The following CNTNAP4 variants were observed in gnomAD, a reference collection of about 807,000 sequenced individuals.
The protein encoded by CNTNAP4 is contactin associated protein family member 4.
Under a neutral mutation model 148.4 loss-of-function variants are expected in CNTNAP4, and 98 were observed. The ratio of observed to expected loss-of-function variants is 0.66; its 90% CI spans 0.56 to 0.78. The LOEUF is 0.78. CNTNAP4 is among the 30% of genes least tolerant of loss of function. The pLI, the probability that CNTNAP4 is intolerant of heterozygous loss-of-function variation, is 0.00. For synonymous variants in CNTNAP4, 730 were observed against 565.1 expected (o/e 1.29, Z -4.14); for missense variants, 1,935 against 1,565.6 (o/e 1.24, Z -3.98).
chr16:76,463,997 G>A (rs1481510712), intron 9 of CNTNAP4, among the ~76,000 whole-genome samples: 1 of 152,056 alleles, frequency 6.6e-6, no homozygotes, highest in African/African-American at 2.4e-5. Flanking sequence ...GAATATGCTT[G>A]ACCTTGGCAT....
chr16:76,377,757 A>G (rs2015564629), intron 3 of CNTNAP4, among the ~76,000 whole-genome samples: 1 of 152,148 alleles, frequency 6.6e-6, no homozygotes, highest in Non-Finnish European at 1.5e-5. Context: ...TCATTTTTAC[A>G]AGGAAGAAAT....
chr16:76,356,965 G>A (rs2012737531), intron 3 of CNTNAP4, among the ~76,000 whole-genome samples: 1 of 151,800 alleles, frequency 6.6e-6, no homozygotes, highest in Non-Finnish European at 1.5e-5. Flanking sequence ...ACTAGAAGAA[G>A]TTGCCTATAA....
intron 10 of CNTNAP4, among the ~76,000 whole-genome samples, chr16:76,468,808 A>T (rs1012270337): frequency 2.6e-5 from 4 of 152,202 alleles, no homozygotes; most frequent in Non-Finnish European, 5.9e-5. Context: ...AGGCATGAGC[A>T]ACTATAGCTA....
chr16:76,374,754 T>TTAGTAG (rs1555536541), intron 3 of CNTNAP4, among the ~76,000 whole-genome samples: 32 of 143,780 alleles, frequency 2.2e-4, no homozygotes, highest in African/African-American at 5.1e-4. Flanking sequence ...ATTATTATTA[T>TTAGTAG]TATTATTATT....
intron 21 of CNTNAP4, among the ~76,000 whole-genome samples, chr16:76,545,693 A>G (rs973026105): frequency 6.6e-6 from 1 of 152,226 alleles, no homozygotes; most frequent in African/African-American, 2.4e-5. Flanking sequence ...AAGAATTTCA[A>G]AAATAAAAAG....
At chr16:76,317,523 C>G (rs893714406) in intron 2 of CNTNAP4, among the ~76,000 whole-genome samples, 1 of 152,176 alleles carries the variant, frequency 6.6e-6, no homozygotes, top group African/African-American at 2.4e-5. Context: ...CTTGGCAATA[C>G]TAATACATAA....
chr16:76,312,158 G>A (rs1170542440), intron 1 of CNTNAP4, among the ~76,000 whole-genome samples: 1 of 152,136 alleles, frequency 6.6e-6, no homozygotes, highest in African/African-American at 2.4e-5. Flanking sequence ...TGACATTTGA[G>A]ACCAGACCAT....
chr16:76,465,758 C>A (rs2143476261), intron 9 of CNTNAP4, among the ~76,000 whole-genome samples: 1 of 152,166 alleles, frequency 6.6e-6, no homozygotes, highest in East Asian at 1.9e-4. Context: ...GTACCATGTA[C>A]AATAAATTAA....
At chr16:76,428,619 G>A (rs1043728293) in intron 4 of CNTNAP4, among the ~76,000 whole-genome samples, 4 of 152,006 alleles carry the variant, frequency 2.6e-5, no homozygotes, top group Non-Finnish European at 5.9e-5. Context: ...TGCATGGTTT[G>A]CGTGGGTACT....
At chr16:76,310,729 C>T (rs1441616947) in intron 1 of CNTNAP4, among the ~76,000 whole-genome samples, 1 of 151,974 alleles carries the variant, frequency 6.6e-6, no homozygotes, top group Non-Finnish European at 1.5e-5. Flanking sequence ...TTTGGCATGT[C>T]TTCCAAATAA....
intron 3 of CNTNAP4, among the ~76,000 whole-genome samples, chr16:76,424,545 G>C (rs1046093357): frequency 1.2e-4 from 19 of 152,220 alleles, no homozygotes; most frequent in African/African-American, 3.9e-4. Flanking sequence ...TTTGAGGTCA[G>C]GAGTTTGAGA....
At chr16:76,300,000 T>TG (rs1264928808) in intron 1 of CNTNAP4, among the ~76,000 whole-genome samples, 2 of 148,056 alleles carry the variant, frequency 1.4e-5, no homozygotes, top group African/African-American at 5.0e-5. Flanking sequence ...TGTTGTGGGG[T>TG]GGGGGAGTGG....
At chr16:76,347,660 A>G (rs1026161375) in intron 2 of CNTNAP4, among the ~76,000 whole-genome samples, 3 of 152,178 alleles carry the variant, frequency 2.0e-5, no homozygotes, top group Non-Finnish European at 2.9e-5. Context: ...ATAGGCAGCA[A>G]AGGTATTAGC....
chr16:76,446,808 A>T (rs1482715652), intron 4 of CNTNAP4, among the ~76,000 whole-genome samples: 2 of 152,334 alleles, frequency 1.3e-5, no homozygotes, highest in East Asian at 3.9e-4. Context: ...CTATGTGTGT[A>T]TATTTGTGTA....
intron 3 of CNTNAP4, among the ~76,000 whole-genome samples, chr16:76,426,685 A>G (rs2079417242): frequency 6.6e-6 from 1 of 152,082 alleles, no homozygotes; most frequent in Non-Finnish European, 1.5e-5. Flanking sequence ...TGGCCCTACC[A>G]TGTAATGGTT....
At chr16:76,366,287 C>A (rs1246942369) in intron 3 of CNTNAP4, among the ~76,000 whole-genome samples, 1 of 152,218 alleles carries the variant, frequency 6.6e-6, no homozygotes, top group Non-Finnish European at 1.5e-5. Context: ...TCTTCCCACC[C>A]TCCATTCTCA....
intron 1 of CNTNAP4, among the ~76,000 whole-genome samples, chr16:76,312,727 G>A (rs1042584855): frequency 3.9e-5 from 6 of 152,086 alleles, no homozygotes; most frequent in Admixed American, 1.3e-4. Flanking sequence ...ATTCTGGACC[G>A]CAACTCACGT....
intron 3 of CNTNAP4, among the ~76,000 whole-genome samples, chr16:76,380,604 C>G (rs2015871396): frequency 6.6e-6 from 1 of 152,072 alleles, no homozygotes; most frequent in Admixed American, 6.5e-5. Context: ...TGGTTTGAAA[C>G]TAAATGTGAT....
chr16:76,469,866 A>G (rs1597646466), intron 10 of CNTNAP4, among the ~76,000 whole-genome samples: 2 of 152,322 alleles, frequency 1.3e-5, no homozygotes, highest in East Asian at 1.9e-4. Flanking sequence ...ATACTTTTTA[A>G]ATTTCCAAGC....
Sources: allele counts gnomAD v4.1 joint callset (sites outside exome capture counted in the v4.1 genomes callset), GRCh38; gene constraint gnomAD v4.1.1; transcripts MANE v1.5; gene names NCBI Gene and HGNC (gene_info 2026-07-23, HGNC 2026-07-21).